Variants in SCAI observed in about 807,000 individuals in gnomAD.
SCAI encodes the protein suppressor of cancer cell invasion.
A neutral mutation model predicts 92.2 loss-of-function variants in SCAI; 24 were observed. That is an observed-to-expected ratio of 0.26 (90% CI 0.19 to 0.37). SCAI has a LOEUF of 0.37. Among genes scored for constraint, SCAI ranks in the 10% least tolerant of loss-of-function variants. The pLI, the probability that SCAI is intolerant of heterozygous loss-of-function variation, is 1.00. For missense variants in SCAI, 450 were observed against 736.2 expected, an observed-to-expected ratio of 0.61 and a Z score of 4.50; for synonymous variants, 261 against 258.6, an observed-to-expected ratio of 1.01 and a Z score of -0.09.
intron 7 of SCAI, 43 bp from the exon 8 acceptor site, chr9:125,019,248 T>A (rs772725885): frequency 8.8e-7 from 1 of 1,139,704 alleles, no homozygotes; most frequent in East Asian, 2.4e-5. Flanking sequence ...AAAAAACCCA[T>A]AAAAACACAC....
chr9:125,086,937 C>T (rs993976922), intron 2 of SCAI, among the ~76,000 whole-genome samples: 1 of 152,166 alleles, frequency 6.6e-6, no homozygotes, highest in Non-Finnish European at 1.5e-5. Flanking sequence ...AGAAGAGAGT[C>T]TGGCATACAT....
At chr9:125,130,696 T>C (rs551248909) in intron 2 of SCAI, among the ~76,000 whole-genome samples, 2 of 150,594 alleles carry the variant, frequency 1.3e-5, no homozygotes, top group African/African-American at 4.9e-5. Context: ...TTTTTTTTTG[T>C]CTTTTAGTAG....
At chr9:125,033,193 AT>A (rs1240270455) in intron 3 of SCAI, among the ~76,000 whole-genome samples, 1 of 151,978 alleles carries the variant, frequency 6.6e-6, no homozygotes, top group Admixed American at 6.6e-5. Context: ...GCAAGACTCC[AT>A]CTCCAAAAAA....
intron 2 of SCAI, among the ~76,000 whole-genome samples, chr9:125,128,341 C>T (rs991089506): frequency 8.6e-5 from 13 of 151,670 alleles, no homozygotes; most frequent in Non-Finnish European, 1.5e-4. Context: ...GTAATTTGGC[C>T]GGGTGCGGTG....
intron 2 of SCAI, among the ~76,000 whole-genome samples, chr9:125,123,026 G>A (rs1023725483): frequency 2.0e-4 from 31 of 152,146 alleles, no homozygotes; most frequent in Non-Finnish European, 3.7e-4. Flanking sequence ...CACCAGCCAG[G>A]TGTTACCTCA....
chr9:124,990,903 ACTGTAG>A (rs1026024877), intron 14 of SCAI, among the ~76,000 whole-genome samples: 1 of 152,136 alleles, frequency 6.6e-6, no homozygotes, highest in Admixed American at 6.5e-5. Flanking sequence ...CTTCATAAAT[ACTGTAG>A]CTGAGACCCA....
Position 124,948,785 on chromosome 9 carries a change from C to A in SCAI, c.*4022G>T, listed in dbSNP as rs1392938271. The A allele has an allele frequency of 6.6e-6, 1 of 152,178 alleles. No homozygotes were observed. The highest frequency in any genetic ancestry group is 2.4e-5 in the African/African-American group (1 of 41,440). 9.4% of individuals were successfully genotyped at this position (152,178 alleles called of 1,614,324 possible). On this transcript the variant is annotated 3_prime_UTR_variant, in exon 18 of 18. Transcript: ENST00000336505. ...AAGAGAGATGAGAGACTATCAGAAT[C>A]TCCAGGGACAGTTTGTGCAATTTGA...
At position 124,976,178 on chromosome 9, in the gene SCAI, T is replaced by C. The variant is rs200908289; in HGVS notation, c.1335A>G (p.Thr445=). The part of the protein sequence containing the change: ...SSNSVAYKNF[T]NLFGQPLVCL... ...AGACTAGTGGCTGTCCAAACAAGTT[T>C]GTGAAATTCTGTAATATATAAGAAT... is the stretch of plus-strand genomic sequence containing the variant. The change falls in exon 15 of 18, where the codon ACA becomes ACG. Residue 445 remains threonine (T), a synonymous_variant. Transcript: ENST00000336505. 9.7e-5 allele frequency: 156 copies of C among 1,602,306 alleles called. 1 individual carries two copies. In the East Asian group the frequency reaches 3.5e-3, roughly 36 times the overall value.
chr9:125,111,801 C>A (rs1026271754), intron 2 of SCAI, among the ~76,000 whole-genome samples: 4 of 151,940 alleles, frequency 2.6e-5, no homozygotes, highest in Non-Finnish European at 5.9e-5. Flanking sequence ...TAGGATGTAG[C>A]GCAGGGAAGA....
chr9:125,003,257 T>C (rs373733990), intron 10 of SCAI, 42 bp from the exon 11 acceptor site: 80 of 1,448,522 alleles, frequency 5.5e-5, no homozygotes, highest in Non-Finnish European at 7.2e-5. Context: ...AAAGCTGCAT[T>C]TGACAAATGA....
chr9:124,946,415 A>T lies in SCAI; in HGVS notation c.*6392T>A, dbSNP rs1831145739. On this transcript the variant is annotated 3_prime_UTR_variant, in exon 18 of 18. Coordinates refer to ENST00000336505, the MANE Select transcript of SCAI (RefSeq NM_001144877.3). This position sits in a 1 kb window ranked among gnomAD's most constrained non-coding sequence, Gnocchi z 4.0. ...GGGTGGTAAAACAGACTCCTGAGATAATTTCTCTATTTTAAGATAATATTG... is the reference window on the plus strand; with the variant it reads ...GGGTGGTAAAACAGACTCCTGAGATTATTTCTCTATTTTAAGATAATATTG... The T allele has an allele frequency of 6.6e-6, 1 of 152,182 alleles. No individual in the cohort carries two copies. Among genetic ancestry groups the T allele is most frequent in the South Asian group, 2.1e-4 (1 of 4,832 alleles). The allele number at this position is 152,182 out of a possible 1,614,324, so 9.4% of individuals were successfully genotyped here. A position where few individuals can be genotyped will look rare whatever the true frequency, so the allele number is the denominator to read the frequency against.
intron 17 of SCAI, among the ~76,000 whole-genome samples, chr9:124,964,447 A>G (rs73666661): frequency 0.03 from 4,583 of 152,298 alleles, 185 homozygotes; most frequent in Admixed American, 0.09. Flanking sequence ...AGCAGGAATG[A>G]TTCCAGGCTT....
rs541516222 is a variant in SCAI at position 124,952,844 on chromosome 9, C to T, written c.1784G>A (p.Arg595Gln). The stretch of plus-strand genomic sequence containing the variant: ...AATGGTATTCTCAAAGAACACGTTT[C>T]GAACATCCAGAATGGATGCTAATTC... The part of the protein sequence containing the change: ...ILELASILDV[R>Q]NVFFENTIDD... The change falls in exon 18 of 18, where the codon CGA becomes CAA. Residue 595 changes from arginine (R) to glutamine (Q), a missense_variant. Around this residue, in one of 3 missense-constraint regions of SCAI, gnomAD observed 360 missense variants for 601.8 expected, o/e 0.60. Coordinates refer to ENST00000336505, the MANE Select transcript of SCAI (RefSeq NM_001144877.3). 1.9e-5 allele frequency: 31 copies of T among 1,613,426 alleles called. No individual in the cohort carries two copies. The highest frequency in any genetic ancestry group is 1.6e-4 in the East Asian group (7 of 44,828).
chr9:124,978,168 G>A (rs1015714087), intron 14 of SCAI, among the ~76,000 whole-genome samples: 4 of 152,090 alleles, frequency 2.6e-5, no homozygotes, highest in Admixed American at 2.0e-4. Context: ...TTAGCCAGGC[G>A]CGTTGGCTCA....
intron 3 of SCAI, among the ~76,000 whole-genome samples, chr9:125,053,968 C>T (rs1443359801): frequency 6.6e-6 from 1 of 151,950 alleles, no homozygotes; most frequent in Admixed American, 6.6e-5. Context: ...TCTATAATCC[C>T]TTTAAGATTT....
At chr9:125,076,209 T>C (rs777045867) in intron 2 of SCAI, among the ~76,000 whole-genome samples, 10 of 152,050 alleles carry the variant, frequency 6.6e-5, no homozygotes, top group Admixed American at 2.6e-4. Context: ...CATTGAAAGA[T>C]ACTTATGGGC....
At chr9:125,062,115 T>C (rs1441367262) in intron 2 of SCAI, among the ~76,000 whole-genome samples, 1 of 151,924 alleles carries the variant, frequency 6.6e-6, no homozygotes, top group Non-Finnish European at 1.5e-5. Flanking sequence ...CAGGAAAGCA[T>C]GCCTTAATCT....
chr9:124,965,721 G>C (rs745690023), intron 17 of SCAI, among the ~76,000 whole-genome samples: 5 of 152,082 alleles, frequency 3.3e-5, no homozygotes, highest in Admixed American at 1.3e-4. Context: ...TGAAATGGCA[G>C]GCAACCACAA....
At chr9:125,055,702 T>C (rs1200403266) in intron 3 of SCAI, among the ~76,000 whole-genome samples, 174 bp downstream of exon 3, 1 of 152,208 alleles carries the variant, frequency 6.6e-6, no homozygotes, top group Non-Finnish European at 1.5e-5. Flanking sequence ...CTTTTCCTAT[T>C]GTTTTTTTAT....
Sources: allele counts gnomAD v4.1 joint callset (sites outside exome capture counted in the v4.1 genomes callset), GRCh38; gene constraint gnomAD v4.1.1; regional missense constraint gnomAD v4.1.1; non-coding constraint Gnocchi (gnomAD v3.1); transcripts MANE v1.5; gene names NCBI Gene and HGNC (gene_info 2026-07-23, HGNC 2026-07-21).